The following ART3 variants were observed in gnomAD, a reference collection of about 807,000 sequenced individuals.
ART3 encodes ecto-ADP-ribosyltransferase 3.
In ART3, 49 loss-of-function variants were observed where a neutral mutation model predicts 48.5. The observed-to-expected ratio is 1.01, with a 90% CI of 0.80 to 1.28. The LOEUF (loss-of-function observed/expected upper bound fraction) is 1.28. ART3 is among the 50% of genes most tolerant of loss of function. The pLI is 0.00. For synonymous variants in ART3, 145 were observed against 157.2 expected (o/e 0.92, Z 0.58); for missense variants, 438 against 454.3 (o/e 0.96, Z 0.33).
intron 3 of ART3, 62 bp from the exon 4 acceptor site, chr4:76,097,582 A>T: frequency 7.3e-7 from 1 of 1,362,942 alleles, no homozygotes; most frequent in Non-Finnish European, 1.0e-6. Context: ...GCCATAGATT[A>T]ATTGAAATAT....
intron 3 of ART3, among the ~76,000 whole-genome samples, chr4:76,095,657 C>T (rs1725843505): frequency 6.6e-6 from 1 of 152,170 alleles, no homozygotes; most frequent in Non-Finnish European, 1.5e-5. Context: ...CAATAATAGT[C>T]CTGGCTATGG....
chr4:76,079,337 A>C (rs956251458), intron 2 of ART3, among the ~76,000 whole-genome samples: 2 of 152,206 alleles, frequency 1.3e-5, no homozygotes, highest in African/African-American at 4.8e-5. Flanking sequence ...ATGTAGGAAA[A>C]GTTCACAAAT....
intron 11 of ART3, among the ~76,000 whole-genome samples, chr4:76,111,510 T>C (rs1283087392): frequency 6.6e-6 from 1 of 152,026 alleles, no homozygotes; most frequent in African/African-American, 2.4e-5. Context: ...ATGATTTTAA[T>C]ATTTTTTCTC....
At chr4:76,022,700 A>G (rs1405906680) in intron 1 of ART3, 1 of 1,613,664 alleles carries the variant, frequency 6.2e-7, no homozygotes, top group East Asian at 2.2e-5. Context: ...CATGATCTCA[A>G]CACGTGGACA....
chr4:76,104,597 G>T lies in ART3; in HGVS notation c.971G>T (p.Gly324Val). The T allele has an allele frequency of 6.4e-7, 1 of 1,551,536 alleles. No homozygotes were observed. The highest frequency in any genetic ancestry group is 8.7e-7 in the Non-Finnish European group (1 of 1,146,902). Residue 324 changes from glycine (G) to valine (V), a missense_variant and splice_region_variant, in exon 10 of 12, where the codon GGA becomes GTA. By Grantham distance (109) the Gly-to-Val change is moderately radical. This residue lies in a region of ART3 where 227 missense variants were observed against 229.6 expected (regional missense o/e 0.99). Coordinates refer to ENST00000355810, the MANE Select transcript of ART3 (RefSeq NM_001130016.3). ...CATTGGAAACTTCCTTCTCATTTAG[G>T]AATGAAAATTCCAGAACCTTTTCCA... Reference protein sequence around the residue: ...VKILEPTQIPGMKIPEPFPLP... With the variant: ...VKILEPTQIPVMKIPEPFPLP...
intron 4 of ART3, among the ~76,000 whole-genome samples, chr4:76,097,971 TATAG>T (rs1382914095): frequency 2.6e-5 from 4 of 152,320 alleles, no homozygotes; most frequent in Non-Finnish European, 5.9e-5. Flanking sequence ...AGCCTGACCT[TATAG>T]GAGTTTAAGG....
intron 10 of ART3, among the ~76,000 whole-genome samples, chr4:76,106,972 C>CT (rs1166000191): frequency 6.6e-6 from 1 of 152,184 alleles, no homozygotes; most frequent in East Asian, 1.9e-4. Context: ...AAAAACCATA[C>CT]TTCAAGTACC....
intron 11 of ART3, among the ~76,000 whole-genome samples, chr4:76,111,009 CGTAAAT>C (rs987864649): frequency 2.0e-5 from 3 of 151,894 alleles, no homozygotes; most frequent in African/African-American, 7.3e-5. Context: ...TCAAAAGAAA[CGTAAAT>C]GTAAAGATGC....
chr4:76,075,995 T>A, intron 2 of ART3, 37 bp downstream of exon 2: 1 of 1,458,730 alleles, frequency 6.9e-7, no homozygotes, highest in Non-Finnish European at 9.4e-7. Flanking sequence ...GTCATTGGAA[T>A]GGAAATTCGT....
intron 1 of ART3, chr4:76,035,040 A>T: frequency 6.2e-7 from 1 of 1,609,020 alleles, no homozygotes; most frequent in Non-Finnish European, 8.5e-7. Context: ...GTAATTTGGT[A>T]ACTTACTTTG....
intron 3 of ART3, 143 bp downstream of exon 3, chr4:76,082,678 C>T (rs1156882339): frequency 8.1e-6 from 5 of 616,784 alleles, no homozygotes; most frequent in Non-Finnish European, 1.0e-5. Context: ...TATCTCTTTA[C>T]CCATAGTTAA....
chr4:76,088,426 A>C (rs1724092412), intron 3 of ART3, among the ~76,000 whole-genome samples: 1 of 152,074 alleles, frequency 6.6e-6, no homozygotes, highest in Admixed American at 6.5e-5. Context: ...TGTAGACTCC[A>C]GTGGCTAGTA....
chr4:76,044,395 G>A (rs1229513482), intron 1 of ART3, among the ~76,000 whole-genome samples: 1 of 152,050 alleles, frequency 6.6e-6, no homozygotes, highest in Admixed American at 6.5e-5. Context: ...AGTCACTGCT[G>A]CCAAAGAGTC....
chr4:76,034,602 C>T, intron 1 of ART3: 1 of 607,574 alleles, frequency 1.6e-6, no homozygotes, highest in Non-Finnish European at 2.9e-6. Flanking sequence ...TTCAGGAAGA[C>T]TGTATTTCTG....
chr4:76,022,678 G>A (rs1732971889), intron 1 of ART3: 1 of 1,612,692 alleles, frequency 6.2e-7, no homozygotes, highest in African/African-American at 1.3e-5. Context: ...TAATCAGATG[G>A]GATTTCACTC....
chr4:76,015,906 G>C (rs1444256529), intron 1 of ART3, among the ~76,000 whole-genome samples: 1 of 152,336 alleles, frequency 6.6e-6, no homozygotes, highest in South Asian at 2.1e-4. Flanking sequence ...TGGGACTATA[G>C]GCACAAGCCT....
chr4:76,077,709 G>C (rs983218051), intron 2 of ART3, among the ~76,000 whole-genome samples: 2 of 152,086 alleles, frequency 1.3e-5, no homozygotes, highest in African/African-American at 4.8e-5. Context: ...CTTCTCTTGG[G>C]TGTACACCTA....
intron 1 of ART3, among the ~76,000 whole-genome samples, chr4:76,048,938 C>G (rs543334081): frequency 6.6e-6 from 1 of 152,064 alleles, no homozygotes; most frequent in East Asian, 1.9e-4. Context: ...GAGGGCCATA[C>G]CCTGAGGGAG....
At chr4:76,031,052 A>G (rs1297872753) in intron 1 of ART3, among the ~76,000 whole-genome samples, 1 of 152,136 alleles carries the variant, frequency 6.6e-6, no homozygotes, top group African/African-American at 2.4e-5. Flanking sequence ...AACTTATTGC[A>G]GAGCCAGCCC....
Sources: gnomAD v4.1 joint callset for allele counts (sites outside exome capture counted in the v4.1 genomes callset) on GRCh38, gnomAD v4.1.1 for gene constraint, gnomAD v4.1.1 regional missense constraint, MANE v1.5 for transcripts, NCBI Gene and HGNC (gene_info 2026-07-23, HGNC 2026-07-21) for gene names.